Variants in ADARB2 observed in about 807,000 individuals in gnomAD.
ADARB2 encodes inactive double-stranded RNA-specific editase B2.
A neutral mutation model predicts 62.2 loss-of-function variants in ADARB2; 25 were observed. That is an observed-to-expected ratio of 0.40 (90% CI 0.29 to 0.56). The LOEUF is 0.56. Among genes scored for constraint, ADARB2 ranks in the 20% least tolerant of loss-of-function variants. The pLI, the probability that ADARB2 is intolerant of heterozygous loss-of-function variation, is 0.43. For synonymous variants in ADARB2, 572 were observed against 500.8 expected (o/e 1.14, Z -1.90); for missense variants, 1,071 against 1,077.4 (o/e 0.99, Z 0.08).
At chr10:1,234,342 C>G (rs1471835126) in intron 5 of ADARB2, among the ~76,000 whole-genome samples, 1 of 152,124 alleles carries the variant, frequency 6.6e-6, no homozygotes, top group Non-Finnish European at 1.5e-5. Context: ...TGTACCAACA[C>G]TTCTAGAACA....
chr10:1,243,131 G>A (rs1388569915), intron 4 of ADARB2, among the ~76,000 whole-genome samples: 1 of 152,154 alleles, frequency 6.6e-6, no homozygotes, highest in Admixed American at 6.5e-5. Context: ...GTCATTAGAC[G>A]GGTCAGTGTT....
chr10:1,379,111 A>T lies in ADARB2; in HGVS notation c.150T>A (p.Ser50Arg). ...CATCCTCCGTGTTTGTGATGCCAGG[A>T]CTCAGGTGCTTGAAAGGAGCGAGGA... is the stretch of plus-strand genomic sequence containing the variant. ...STFLAPFKHLSPGITNTEDDD... is the reference protein window; with the variant it reads ...STFLAPFKHLRPGITNTEDDD... The change falls in exon 2 of 10, where the codon AGT becomes AGA. Residue 50 changes from serine to arginine, a missense_variant. Transcript: ENST00000381312. The T allele has an allele frequency of 6.2e-7, 1 of 1,613,894 alleles. No individual in the cohort carries two copies. The highest frequency in any genetic ancestry group is 8.5e-7 in the Non-Finnish European group (1 of 1,179,892).
chr10:1,287,506 C>T (rs148337116), intron 3 of ADARB2, among the ~76,000 whole-genome samples: 5 of 152,154 alleles, frequency 3.3e-5, no homozygotes, highest in Non-Finnish European at 5.9e-5. Context: ...CCTGAAACCT[C>T]GCGTGCTCTG....
At chr10:1,391,745 G>C (rs937412989) in intron 1 of ADARB2, among the ~76,000 whole-genome samples, 14 of 149,120 alleles carry the variant, frequency 9.4e-5, no homozygotes, top group Non-Finnish European at 1.9e-4. Context: ...AATGATAACT[G>C]CCAGGATGTC....
At chr10:1,665,649 T>C (rs983434381) in intron 1 of ADARB2, among the ~76,000 whole-genome samples, 1 of 152,274 alleles carries the variant, frequency 6.6e-6, no homozygotes, top group African/African-American at 2.4e-5. Context: ...TCAGCCATTC[T>C]GAGGCAGCTC....
Position 1,356,504 on chromosome 10 carries a change from CA to C in ADARB2, c.1077+6523del, listed in dbSNP as rs139659474. On this transcript the variant is annotated intron_variant, in intron 3 of 9. Transcript: ENST00000381312. ...GATCCATTACCAGGACCCAGAACCTCAGCTTCAACGAGGCTCTGCTTGTCCC... is the reference window on the plus strand; with the variant it reads ...GATCCATTACCAGGACCCAGAACCTCGCTTCAACGAGGCTCTGCTTGTCCC... 1.9e-3 allele frequency among the ~76,000 whole-genome samples: 285 copies of C among 152,312 alleles called. 2 individuals are homozygous for C. The highest frequency in any genetic ancestry group is 6.0e-3 in the African/African-American group (249 of 41,574).
chr10:1,720,019 G>A (rs901135099), intron 1 of ADARB2, among the ~76,000 whole-genome samples: 1 of 152,184 alleles, frequency 6.6e-6, no homozygotes, highest in Admixed American at 6.5e-5. Flanking sequence ...TCACATTCCT[G>A]GGGGTATACC....
At chr10:1,450,887 G>A in intron 1 of ADARB2, among the ~76,000 whole-genome samples, 1 of 152,232 alleles carries the variant, frequency 6.6e-6, no homozygotes, top group East Asian at 1.9e-4. Context: ...GGAAAGTGGT[G>A]ACTTTTGGGT....
At position 1,488,909 on chromosome 10, in the gene ADARB2, C is replaced by T. The variant is rs533339268; in HGVS notation, c.101-109749G>A. 3.9e-5 allele frequency among the ~76,000 whole-genome samples: 6 copies of T among 152,326 alleles called. No individual in the cohort carries two copies. The South Asian group carries it at 6.2e-4, about 16-fold the overall frequency. ...ACCAGGATGAGATGGGAACACATTC[C>T]GATCTGATCAGGGAGACCTTATACA... On this transcript the variant is annotated intron_variant, in intron 1 of 9. Transcript: ENST00000381312.
Position 1,594,674 on chromosome 10 carries a change from C to G in ADARB2, c.100+142377G>C, listed in dbSNP as rs75464800. Among the ~76,000 whole-genome samples the G allele has an allele frequency of 4.0e-3, 610 of 152,306 alleles. 2 individuals are homozygous for G. Among genetic ancestry groups the G allele is most frequent in the African/African-American group, 0.014 (571 of 41,562 alleles). On this transcript the variant is annotated intron_variant, in intron 1 of 9. Transcript: ENST00000381312. ...CTCGTTTTCTTGGCTAAGCAAGGGG[C>G]TCCTTTTCAGAATTAACAGTTAAAG...
chr10:1,477,415 A>G lies in ADARB2; in HGVS notation c.101-98255T>C, dbSNP rs1209999248. Among the ~76,000 whole-genome samples, 1 of 152,114 alleles carries G rather than the reference A, an allele frequency of 6.6e-6. No homozygotes were observed. The highest frequency in any genetic ancestry group is 2.4e-5 in the African/African-American group (1 of 41,432). On this transcript the variant is annotated intron_variant, in intron 1 of 9. Coordinates refer to ENST00000381312, the MANE Select transcript of ADARB2 (RefSeq NM_018702.4). The surrounding 1 kb of genome is among the most constrained non-coding windows in gnomAD (Gnocchi z 4.5). Reference sequence around the variant, plus strand: ...CCATGGCCCCCTCCAGCATGACCCTATACAGCTTCCTTCCAGCCCTGCTTC... The same window carrying G: ...CCATGGCCCCCTCCAGCATGACCCTGTACAGCTTCCTTCCAGCCCTGCTTC...
intron 1 of ADARB2, among the ~76,000 whole-genome samples, chr10:1,717,621 A>C (rs2119160445): frequency 6.7e-6 from 1 of 148,916 alleles, no homozygotes; most frequent in South Asian, 2.1e-4. Flanking sequence ...TCTGTCACCA[A>C]GTCTGGAGTG....
chr10:1,516,856 G>A (rs1276989560), intron 1 of ADARB2, among the ~76,000 whole-genome samples: 2 of 152,242 alleles, frequency 1.3e-5, no homozygotes, highest in African/African-American at 2.4e-5. Flanking sequence ...GGCAATGACA[G>A]CGCATGGAAG....
intron 3 of ADARB2, among the ~76,000 whole-genome samples, chr10:1,316,967 C>T (rs982639863): frequency 6.6e-6 from 1 of 152,228 alleles, no homozygotes; most frequent in African/African-American, 2.4e-5. Context: ...CATTTTTCTC[C>T]CAGTTAAAGC....
At chr10:1,264,683 T>A (rs1013918194) in intron 4 of ADARB2, among the ~76,000 whole-genome samples, 1 of 152,222 alleles carries the variant, frequency 6.6e-6, no homozygotes, top group Non-Finnish European at 1.5e-5. Flanking sequence ...TTATGCTCCA[T>A]CGTGGAATTA....
chr10:1,603,047 C>T (rs146609517), intron 1 of ADARB2, among the ~76,000 whole-genome samples: 38 of 151,714 alleles, frequency 2.5e-4, no homozygotes, highest in African/African-American at 8.7e-4. Context: ...CACACACGCA[C>T]ACACACCTAT....
At chr10:1,729,829 T>C (rs1201731192) in intron 1 of ADARB2, among the ~76,000 whole-genome samples, 1 of 152,232 alleles carries the variant, frequency 6.6e-6, no homozygotes, top group East Asian at 1.9e-4. Context: ...CTCCCCATCC[T>C]ATTTTAATAC....
At chr10:1,597,449 T>C (rs1202673619) in intron 1 of ADARB2, among the ~76,000 whole-genome samples, 1 of 152,094 alleles carries the variant, frequency 6.6e-6, no homozygotes, top group Non-Finnish European at 1.5e-5. Flanking sequence ...CATTAAAAAG[T>C]GGGCACAGGA....
chr10:1,309,307 C>T (rs1457707512), intron 3 of ADARB2, among the ~76,000 whole-genome samples: 4 of 152,236 alleles, frequency 2.6e-5, no homozygotes, highest in African/African-American at 9.6e-5. Flanking sequence ...GATCCTGACT[C>T]TTTGGTCTGA....
Sources: gnomAD v4.1 joint callset for allele counts (sites outside exome capture counted in the v4.1 genomes callset) on GRCh38, gnomAD v4.1.1 for gene constraint, Gnocchi (gnomAD v3.1) non-coding constraint, MANE v1.5 for transcripts, NCBI Gene and HGNC (gene_info 2026-07-23, HGNC 2026-07-21) for gene names.